NKAIN2: variants seen among roughly 807,000 people sequenced by gnomAD.
NKAIN2 encodes the protein sodium/potassium transporting ATPase interacting 2, also known as sodium/potassium-transporting ATPase subunit beta-1-interacting protein 2.
NKAIN2 carries 14 observed loss-of-function variants against 32.6 expected under a neutral mutation model. The observed-to-expected ratio is 0.43, with a 90% CI of 0.28 to 0.67. The LOEUF is 0.67. NKAIN2 is among the 30% of genes least tolerant of loss of function. The pLI, the probability that NKAIN2 is intolerant of heterozygous loss-of-function variation, is 0.17. For synonymous variants in NKAIN2, 80 were observed against 87.2 expected, an observed-to-expected ratio of 0.92 and a Z score of 0.46; for missense variants, 198 against 258.3, an observed-to-expected ratio of 0.77 and a Z score of 1.60.
chr6:124,654,997 T>C (rs1004386369), intron 3 of NKAIN2, among the ~76,000 whole-genome samples: 1 of 152,140 alleles, frequency 6.6e-6, no homozygotes, highest in African/African-American at 2.4e-5. Flanking sequence ...GTTACTGTAT[T>C]AGAAAGAGGA....
At chr6:124,770,275 T>C (rs1286327697) in intron 4 of NKAIN2, among the ~76,000 whole-genome samples, 1 of 152,200 alleles carries the variant, frequency 6.6e-6, no homozygotes, top group African/African-American at 2.4e-5. Flanking sequence ...CCTACTGGAC[T>C]TGGCTTCCCT....
chr6:124,258,933 A>G (rs1411145040), intron 1 of NKAIN2, among the ~76,000 whole-genome samples: 3 of 152,192 alleles, frequency 2.0e-5, no homozygotes, highest in Non-Finnish European at 4.4e-5. Flanking sequence ...TCCTCCAATT[A>G]TATTTATCAT....
intron 3 of NKAIN2, among the ~76,000 whole-genome samples, chr6:124,439,900 G>A (rs1775619606): frequency 6.6e-6 from 1 of 151,894 alleles, no homozygotes; most frequent in Non-Finnish European, 1.5e-5. Flanking sequence ...GGGTCTCCAG[G>A]AAGCCTGCTC....
At chr6:124,419,936 T>C (rs887264865) in intron 3 of NKAIN2, among the ~76,000 whole-genome samples, 2 of 151,406 alleles carry the variant, frequency 1.3e-5, no homozygotes, top group African/African-American at 4.9e-5. Flanking sequence ...GTCAGCAAGA[T>C]TTCTTCCTTT....
At chr6:124,515,665 A>C (rs967932114) in intron 3 of NKAIN2, among the ~76,000 whole-genome samples, 1 of 151,996 alleles carries the variant, frequency 6.6e-6, no homozygotes, top group Non-Finnish European at 1.5e-5. Context: ...TTGGAAGGAC[A>C]AACATCCAAA....
At chr6:124,302,236 C>T (rs571976608) in intron 2 of NKAIN2, among the ~76,000 whole-genome samples, 11 of 152,298 alleles carry the variant, frequency 7.2e-5, no homozygotes, top group East Asian at 5.8e-4. Context: ...TGAGGCCTCC[C>T]GGCCATGTGA....
intron 3 of NKAIN2, among the ~76,000 whole-genome samples, chr6:124,561,394 G>A (rs1780685634): frequency 1.3e-5 from 2 of 152,104 alleles, no homozygotes. Flanking sequence ...GGCCAATTTT[G>A]CATTTAGGCA....
intron 3 of NKAIN2, among the ~76,000 whole-genome samples, chr6:124,358,307 G>A (rs959142843): frequency 6.6e-6 from 1 of 151,980 alleles, no homozygotes; most frequent in African/African-American, 2.4e-5. Flanking sequence ...AGAATGGCTG[G>A]GTCAAATGAT....
At chr6:124,736,363 T>C (rs1194896983) in intron 4 of NKAIN2, among the ~76,000 whole-genome samples, 1 of 151,966 alleles carries the variant, frequency 6.6e-6, no homozygotes, top group Non-Finnish European at 1.5e-5. Flanking sequence ...ATATAGAAGC[T>C]GCAGCCAGTG....
intron 3 of NKAIN2, among the ~76,000 whole-genome samples, chr6:124,355,647 G>GA (rs1798938237): frequency 1.3e-5 from 2 of 151,846 alleles, no homozygotes; most frequent in African/African-American, 2.4e-5. Context: ...TTTTTTCAGA[G>GA]AAAAAAATCT....
intron 1 of NKAIN2, among the ~76,000 whole-genome samples, chr6:124,222,353 G>A (rs1311560721): frequency 1.3e-5 from 2 of 152,242 alleles, no homozygotes; most frequent in Middle Eastern, 3.4e-3. Flanking sequence ...ATTAAATACA[G>A]AAGTAAATAA....
chr6:123,856,691 G>A (rs1010443029), intron 1 of NKAIN2, among the ~76,000 whole-genome samples: 1 of 152,134 alleles, frequency 6.6e-6, no homozygotes, highest in African/African-American at 2.4e-5. Context: ...ACCTATATCT[G>A]TGACACCCCA....
chr6:124,809,939 A>AT (rs1232547704), intron 5 of NKAIN2, among the ~76,000 whole-genome samples: 1 of 152,200 alleles, frequency 6.6e-6, no homozygotes, highest in Non-Finnish European at 1.5e-5. Context: ...ATGAGATATC[A>AT]TCTCACACCA....
At chr6:124,783,772 A>G (rs952491345) in intron 4 of NKAIN2, among the ~76,000 whole-genome samples, 2 of 152,208 alleles carry the variant, frequency 1.3e-5, no homozygotes, top group African/African-American at 4.8e-5. Flanking sequence ...AATTATGTAG[A>G]TGGAATAAGA....
At chr6:124,683,006 G>A (rs2114509576) in intron 4 of NKAIN2, among the ~76,000 whole-genome samples, 1 of 152,292 alleles carries the variant, frequency 6.6e-6, no homozygotes, top group South Asian at 2.1e-4. Context: ...CATATGTCAT[G>A]ATAAATTTTC....
chr6:124,480,779 G>A (rs767910162), intron 3 of NKAIN2, among the ~76,000 whole-genome samples: 1 of 152,024 alleles, frequency 6.6e-6, no homozygotes, highest in Non-Finnish European at 1.5e-5. Flanking sequence ...ATAGAAAAGT[G>A]TAATATCTGA....
chr6:124,258,338 A>C (rs977441306), intron 1 of NKAIN2, among the ~76,000 whole-genome samples: 2 of 152,198 alleles, frequency 1.3e-5, no homozygotes, highest in Non-Finnish European at 2.9e-5. Flanking sequence ...ATAAAGGATC[A>C]GAACTTAAAT....
At chr6:124,032,317 G>A (rs192099715) in intron 1 of NKAIN2, among the ~76,000 whole-genome samples, 3 of 150,998 alleles carry the variant, frequency 2.0e-5, no homozygotes, top group East Asian at 2.0e-4. Flanking sequence ...TGTAAATGAC[G>A]AGTTAATGGG....
intron 4 of NKAIN2, among the ~76,000 whole-genome samples, chr6:124,707,803 C>G (rs1775181458): frequency 6.6e-6 from 1 of 152,056 alleles, no homozygotes; most frequent in Admixed American, 6.6e-5. Flanking sequence ...CCTGTTCACT[C>G]TGATGGTAGT....
Sources: gnomAD v4.1 joint callset for allele counts (sites outside exome capture counted in the v4.1 genomes callset) on GRCh38, gnomAD v4.1.1 for gene constraint, MANE v1.5 for transcripts, NCBI Gene and HGNC (gene_info 2026-07-23, HGNC 2026-07-21) for gene names.